The following METAP1D variants were observed in gnomAD, a reference collection of about 807,000 sequenced individuals.
METAP1D encodes methionyl aminopeptidase type 1D, mitochondrial.
A neutral mutation model predicts 40.5 loss-of-function variants in METAP1D; 31 were observed. The ratio of observed to expected loss-of-function variants is 0.77; its 90% CI spans 0.58 to 1.03. METAP1D has a LOEUF of 1.03. Among genes scored for constraint, METAP1D ranks in the 50% least tolerant of loss-of-function variants. METAP1D has a pLI of 0.00. For missense variants in METAP1D, 411 were observed against 420.7 expected (o/e 0.98, Z 0.20); for synonymous variants, 151 against 146.4 (o/e 1.03, Z -0.22).
intron 1 of METAP1D, among the ~76,000 whole-genome samples, chr2:172,031,216 T>C (rs1044529122): frequency 1.3e-5 from 2 of 152,212 alleles, no homozygotes; most frequent in African/African-American, 4.8e-5. Flanking sequence ...TAATGGAGTA[T>C]CCTCATAAAG....
At chr2:172,001,518 A>G (rs1688462205) in intron 1 of METAP1D, among the ~76,000 whole-genome samples, 1 of 152,084 alleles carries the variant, frequency 6.6e-6, no homozygotes, top group Non-Finnish European at 1.5e-5. Context: ...AGCCTGGGCG[A>G]CAGAGCGAGA....
At position 172,061,541 on chromosome 2, in the gene METAP1D, A is replaced by C; in HGVS notation, c.84A>C (p.Leu28Phe). The change falls in exon 2 of 10, where the codon TTA becomes TTC. Residue 28 changes from leucine to phenylalanine, a missense_variant. Transcript: ENST00000315796. ...IFSSPLNHIY[L>F]HKQSSSQQRR... ...CTTCACCACTCAATCATATCTACTT[A>C]CACAAGCAGTCAAGCAGTCAACAAA... 2 of 1,613,854 alleles carry C rather than the reference A, an allele frequency of 1.2e-6. No individual in the cohort carries two copies. Among genetic ancestry groups the C allele is most frequent in the Non-Finnish European group, 1.7e-6 (2 of 1,179,884 alleles).
chr2:172,027,122 G>A (rs1406511386), intron 1 of METAP1D, among the ~76,000 whole-genome samples: 3 of 152,092 alleles, frequency 2.0e-5, no homozygotes, highest in Non-Finnish European at 4.4e-5. Flanking sequence ...ACTGATTGTC[G>A]GCTGTATGCC....
chr2:172,065,817 A>G (rs1251557505), intron 4 of METAP1D, 65 bp downstream of exon 4: 10 of 1,504,852 alleles, frequency 6.6e-6, no homozygotes, highest in South Asian at 1.2e-5. Flanking sequence ...GATCTGTAAC[A>G]TATGTTGAAA....
intron 1 of METAP1D, among the ~76,000 whole-genome samples, chr2:172,049,359 ATGTT>A (rs1442176271): frequency 1.3e-5 from 2 of 149,774 alleles, no homozygotes; most frequent in Non-Finnish European, 3.0e-5. Flanking sequence ...ATTTAAATAA[ATGTT>A]TATTTATATT....
At chr2:172,065,516 C>T in intron 3 of METAP1D, 88 bp from the exon 4 acceptor site, 2 of 1,286,548 alleles carry the variant, frequency 1.6e-6, no homozygotes, top group South Asian at 1.4e-5. Context: ...TACAGTCTCA[C>T]ATGGAAGTAC....
intron 6 of METAP1D, among the ~76,000 whole-genome samples, chr2:172,071,614 A>G (rs1690422758): frequency 6.6e-6 from 1 of 152,004 alleles, no homozygotes; most frequent in East Asian, 1.9e-4. Context: ...ACCGTTGTTT[A>G]TTTTTCACAG....
intron 8 of METAP1D, among the ~76,000 whole-genome samples, chr2:172,079,557 A>T (rs1247542093): frequency 6.6e-6 from 1 of 152,108 alleles, no homozygotes; most frequent in Admixed American, 6.5e-5. Flanking sequence ...GTAACTAGAC[A>T]CGATTATGTC....
chr2:172,066,418 A>G, intron 5 of METAP1D, 112 bp downstream of exon 5: 1 of 831,312 alleles, frequency 1.2e-6, no homozygotes, highest in Non-Finnish European at 1.9e-6. Flanking sequence ...GTTTACTTCT[A>G]GACCCAGACG....
intron 1 of METAP1D, among the ~76,000 whole-genome samples, chr2:172,019,649 A>G (rs1341801696): frequency 6.6e-6 from 1 of 152,174 alleles, no homozygotes; most frequent in African/African-American, 2.4e-5. Flanking sequence ...GGCCAGGTGC[A>G]GCGGCCTCTT....
chr2:172,076,936 T>C (rs1224850155), intron 6 of METAP1D, among the ~76,000 whole-genome samples: 1 of 152,188 alleles, frequency 6.6e-6, no homozygotes, highest in Non-Finnish European at 1.5e-5. Context: ...AAAATAAACA[T>C]GTTAGCTGAT....
chr2:172,032,024 T>C (rs1689252897), intron 1 of METAP1D, among the ~76,000 whole-genome samples: 1 of 152,228 alleles, frequency 6.6e-6, no homozygotes, highest in Non-Finnish European at 1.5e-5. Flanking sequence ...GGGAGCTAAA[T>C]GCTGCCAGAT....
Position 172,043,276 on chromosome 2 carries a change from CT to C in METAP1D, c.41-18218del, listed in dbSNP as rs570571360. Among the ~76,000 whole-genome samples, 31 of 132,164 alleles carry C rather than the reference CT, an allele frequency of 2.3e-4. 3 individuals carry two copies. Among genetic ancestry groups the C allele is most frequent in the African/African-American group, 6.1e-4 (24 of 39,288 alleles). 86.7% of individuals were successfully genotyped at this position (132,164 alleles called of 152,430 possible). On this transcript the variant is annotated intron_variant, in intron 1 of 9. Coordinates refer to ENST00000315796, the MANE Select transcript of METAP1D (RefSeq NM_199227.3). ...AGATCCTTACAAAAAAAATAGTATTCTTTTATTGGAACTTCACTTGGTTTGC... is the reference window on the plus strand; with the variant it reads ...AGATCCTTACAAAAAAAATAGTATTCTTTATTGGAACTTCACTTGGTTTGC...
intron 7 of METAP1D, among the ~76,000 whole-genome samples, chr2:172,078,611 G>A (rs1690610564): frequency 6.6e-6 from 1 of 152,164 alleles, no homozygotes; most frequent in Non-Finnish European, 1.5e-5. Flanking sequence ...TACTCTTTCG[G>A]ACCCATGCCC....
chr2:172,056,375 A>C (rs1438500969), intron 1 of METAP1D, among the ~76,000 whole-genome samples: 1 of 152,246 alleles, frequency 6.6e-6, no homozygotes, highest in Non-Finnish European at 1.5e-5. Context: ...GCTCAAGATC[A>C]CATAGCTCTT....
intron 1 of METAP1D, among the ~76,000 whole-genome samples, chr2:172,029,501 G>C (rs1441656283): frequency 6.6e-6 from 1 of 152,134 alleles, no homozygotes; most frequent in Admixed American, 6.5e-5. Flanking sequence ...GCACATTTTA[G>C]TTCTTGCCCA....
intron 1 of METAP1D, among the ~76,000 whole-genome samples, chr2:172,041,389 G>A (rs1410150878): frequency 7.8e-6 from 1 of 127,948 alleles, no homozygotes; most frequent in African/African-American, 2.6e-5. Flanking sequence ...AATCCAGGAG[G>A]CGGAGGTTTC....
chr2:172,041,752 A>ATATATATATG lies in METAP1D; in HGVS notation c.41-19737_41-19736insGTATATATAT, dbSNP rs1689536573. On this transcript the variant is annotated intron_variant, in intron 1 of 9. Coordinates refer to ENST00000315796, the MANE Select transcript of METAP1D (RefSeq NM_199227.3). ...TATATATATATATATATATATATAT[A>ATATATATATG]TATATATATATATATTTCATCCCCC... 2.3e-5 allele frequency among the ~76,000 whole-genome samples: 2 copies of ATATATATATG among 87,626 alleles called. 1 individual carries two copies. Among genetic ancestry groups the ATATATATATG allele is most frequent in the Non-Finnish European group, 5.2e-5 (2 of 38,236 alleles). 57.5% of individuals were successfully genotyped at this position (87,626 alleles called of 152,430 possible). A position where few individuals can be genotyped will look rare whatever the true frequency, so the allele number is the denominator to read the frequency against.
chr2:172,078,858 G>C (rs750678793), intron 7 of METAP1D, among the ~76,000 whole-genome samples: 10 of 152,194 alleles, frequency 6.6e-5, no homozygotes, highest in Non-Finnish European at 1.5e-4. Flanking sequence ...AGTGAGGGGT[G>C]TGGGCAAGGC....
Sources: gnomAD v4.1 joint callset for allele counts (sites outside exome capture counted in the v4.1 genomes callset) on GRCh38, gnomAD v4.1.1 for gene constraint, MANE v1.5 for transcripts, NCBI Gene and HGNC (gene_info 2026-07-23, HGNC 2026-07-21) for gene names.